The following SFRP1 variants were observed in gnomAD, a reference collection of about 807,000 sequenced individuals.
SFRP1 encodes secreted frizzled related protein 1.
In SFRP1, 9 loss-of-function variants were observed where a neutral mutation model predicts 25.9. That is an observed-to-expected ratio of 0.35 (90% CI 0.21 to 0.61). SFRP1 has a LOEUF of 0.61. SFRP1 is among the 20% of genes least tolerant of loss of function. The pLI is 0.78. For missense variants in SFRP1, 346 were observed against 418.2 expected (o/e 0.83, Z 1.51); for synonymous variants, 178 against 174.0 (o/e 1.02, Z -0.18).
intron 2 of SFRP1, among the ~76,000 whole-genome samples, chr8:41,286,199 C>G (rs1186540545): frequency 6.6e-6 from 1 of 152,020 alleles, no homozygotes; most frequent in Non-Finnish European, 1.5e-5. Flanking sequence ...TTCCCGACTT[C>G]GAGTAATCAT....
chr8:41,308,710 G>C lies in SFRP1; in HGVS notation c.450C>G (p.Tyr150Ter), dbSNP rs1177227884. ...TGTCACACTTAAGCATCTCGGGCCA[G>C]TAGAAGCCGAAGAACTGCATGACCG... The part of the protein sequence containing the change: ...CEPVMQFFGF[Y>*]WPEMLKCDKF... The change falls in exon 1 of 3, where the codon TAC becomes TAG. Residue 150 changes from tyrosine (Y) to a stop codon, truncating the protein, a stop_gained. Transcript: ENST00000220772. LOFTEE classifies it high-confidence loss of function. 1.2e-6 allele frequency: 2 copies of C among 1,611,128 alleles called. No homozygotes were observed. The highest frequency in any genetic ancestry group is 1.1e-5 in the South Asian group (1 of 90,582).
At chr8:41,284,586 ACAG>A (rs1166482751) in intron 2 of SFRP1, among the ~76,000 whole-genome samples, 1 of 152,204 alleles carries the variant, frequency 6.6e-6, no homozygotes, top group Admixed American at 6.5e-5. Context: ...AACAGCCAGG[ACAG>A]CAGCTCAGGG....
At chr8:41,290,798 G>C (rs1803766552) in intron 2 of SFRP1, among the ~76,000 whole-genome samples, 1 of 145,388 alleles carries the variant, frequency 6.9e-6, no homozygotes, top group Non-Finnish European at 1.5e-5. Context: ...TGTCCAAAAT[G>C]TCTCACCACT....
Position 41,303,443 on chromosome 8 carries a change from C to T in SFRP1, c.622+18G>A. ...GAGGTTCCAAACCTTCCAGAGGCAG[C>T]TAGAAACGCTTTCTTACCAAACTCG... On this transcript the variant is annotated intron_variant, in intron 2 of 2. Coordinates refer to ENST00000220772, the MANE Select transcript of SFRP1 (RefSeq NM_003012.5). 1.2e-6 allele frequency: 2 copies of T among 1,605,888 alleles called. No homozygotes were observed. The highest frequency in any genetic ancestry group is 2.2e-5 in the South Asian group (2 of 90,904).
chr8:41,306,588 T>G, intron 1 of SFRP1: 1 of 1,028,832 alleles, frequency 9.7e-7, no homozygotes, highest in Non-Finnish European at 1.4e-6. Flanking sequence ...CTGGGGAGGG[T>G]GGTGTGCCAT....
chr8:41,288,376 A>G (rs1803733549), intron 2 of SFRP1, among the ~76,000 whole-genome samples: 1 of 151,806 alleles, frequency 6.6e-6, no homozygotes, highest in South Asian at 2.1e-4. Context: ...TGAAATAAAA[A>G]TAAAAATAAA....
chr8:41,308,607 C>T lies in SFRP1; in HGVS notation c.544+9G>A. ...GGCGGCTCGCGCACGTGGGAGGAGG[C>T]AGCCTTACCTTGGGGCTTGGAGGCT... On this transcript the variant is annotated intron_variant, in intron 1 of 2. Coordinates refer to ENST00000220772, the MANE Select transcript of SFRP1 (RefSeq NM_003012.5). 6.4e-7 allele frequency: 1 copy of T among 1,571,674 alleles called. No homozygotes were observed. Among genetic ancestry groups the T allele is most frequent in the Non-Finnish European group, 8.7e-7 (1 of 1,152,860 alleles).
At chr8:41,297,072 T>A (rs1353412006) in intron 2 of SFRP1, among the ~76,000 whole-genome samples, 1 of 152,122 alleles carries the variant, frequency 6.6e-6, no homozygotes, top group Admixed American at 6.6e-5. Flanking sequence ...TGAGACAGAG[T>A]TTCGCTCTAT....
chr8:41,293,257 C>T (rs1270122937), intron 2 of SFRP1, among the ~76,000 whole-genome samples: 3 of 152,222 alleles, frequency 2.0e-5, no homozygotes, highest in Admixed American at 1.3e-4. Context: ...TACAGCCTTG[C>T]TGGGACCTCG....
At chr8:41,293,212 G>A (rs866852325) in intron 2 of SFRP1, among the ~76,000 whole-genome samples, 2 of 152,180 alleles carry the variant, frequency 1.3e-5, no homozygotes, top group Non-Finnish European at 2.9e-5. Flanking sequence ...AAACACATGG[G>A]CCATTCATTC....
chr8:41,286,582 C>T (rs1036335500), intron 2 of SFRP1, among the ~76,000 whole-genome samples: 1 of 152,050 alleles, frequency 6.6e-6, no homozygotes, highest in Admixed American at 6.5e-5. Context: ...GGTCCGTTCC[C>T]AAAGAGTCAC....
intron 2 of SFRP1, among the ~76,000 whole-genome samples, chr8:41,276,510 T>A (rs531826045): frequency 7.2e-4 from 109 of 152,256 alleles, no homozygotes; most frequent in Non-Finnish European, 1.2e-3. Flanking sequence ...CTGGCATCAT[T>A]AATTCGTTTA....
intron 1 of SFRP1, chr8:41,306,763 C>T (rs767952769): frequency 1.9e-6 from 3 of 1,597,958 alleles, no homozygotes; most frequent in Non-Finnish European, 2.5e-6. Flanking sequence ...GAGGACGGTT[C>T]CAAGCCAGGC....
At chr8:41,303,834 C>T (rs888286284) in intron 1 of SFRP1, among the ~76,000 whole-genome samples, 3 of 152,226 alleles carry the variant, frequency 2.0e-5, no homozygotes, top group Admixed American at 6.5e-5. Context: ...ACTTGTGGGG[C>T]GCTGTGAGTG....
intron 2 of SFRP1, among the ~76,000 whole-genome samples, chr8:41,291,098 C>T (rs538622246): frequency 4.6e-5 from 7 of 151,188 alleles, no homozygotes; most frequent in South Asian, 2.1e-4. Flanking sequence ...TTAGTGGAGA[C>T]GGGGTTTCCC....
intron 2 of SFRP1, among the ~76,000 whole-genome samples, chr8:41,269,700 G>A (rs920438928): frequency 2.6e-5 from 4 of 152,098 alleles, no homozygotes; most frequent in Admixed American, 1.3e-4. Flanking sequence ...GACTTTGAAC[G>A]TAAGGCAACC....
intron 2 of SFRP1, among the ~76,000 whole-genome samples, chr8:41,296,060 C>T (rs1242214062): frequency 6.6e-6 from 1 of 152,208 alleles, no homozygotes; most frequent in Non-Finnish European, 1.5e-5. Flanking sequence ...ACAGGGGTGG[C>T]TCTTGCACAC....
intron 2 of SFRP1, among the ~76,000 whole-genome samples, chr8:41,274,623 G>A (rs987197983): frequency 6.6e-6 from 1 of 152,100 alleles, no homozygotes; most frequent in African/African-American, 2.4e-5. Flanking sequence ...TTATAACCAT[G>A]TTATTTATTT....
intron 2 of SFRP1, among the ~76,000 whole-genome samples, chr8:41,283,309 G>A (rs1354677357): frequency 1.3e-5 from 2 of 152,182 alleles, no homozygotes; most frequent in Non-Finnish European, 2.9e-5. Context: ...TACAATGGGA[G>A]TAGGATGATC....
Sources: allele counts gnomAD v4.1 joint callset (sites outside exome capture counted in the v4.1 genomes callset), GRCh38; gene constraint gnomAD v4.1.1; transcripts MANE v1.5; gene names NCBI Gene and HGNC (gene_info 2026-07-23, HGNC 2026-07-21).